PDE4D: variants seen among roughly 807,000 people sequenced by gnomAD.
PDE4D encodes the protein phosphodiesterase 4D.
Under a neutral mutation model 87.4 loss-of-function variants are expected in PDE4D, and 24 were observed. The ratio of observed to expected loss-of-function variants is 0.27; its 90% CI spans 0.20 to 0.39. The LOEUF (loss-of-function observed/expected upper bound fraction) is 0.39. Ranked by LOEUF, PDE4D falls within the 10% of genes least tolerant of loss-of-function variation. The pLI, the probability that PDE4D is intolerant of heterozygous loss-of-function variation, is 1.00. For missense variants in PDE4D, 714 were observed against 1,041.0 expected (o/e 0.69, Z 4.32); for synonymous variants, 384 against 383.2 (o/e 1.00, Z -0.02).
chr5:59,377,986 T>C (rs1030905282), intron 1 of PDE4D, among the ~76,000 whole-genome samples: 3 of 152,164 alleles, frequency 2.0e-5, no homozygotes, highest in Admixed American at 1.3e-4. Flanking sequence ...ATGTGTATGA[T>C]CATTGCAGCA....
chr5:59,546,079 A>C (rs1335020059), intron 1 of PDE4D, among the ~76,000 whole-genome samples: 1 of 152,174 alleles, frequency 6.6e-6, no homozygotes, highest in Non-Finnish European at 1.5e-5. Context: ...ATTCCCTTTC[A>C]TTCACAGCTT....
At chr5:59,569,441 C>T (rs987343340) in intron 1 of PDE4D, among the ~76,000 whole-genome samples, 10 of 152,104 alleles carry the variant, frequency 6.6e-5, no homozygotes, top group Admixed American at 1.3e-4. Flanking sequence ...GCAAAAAGTA[C>T]GACATATAAA....
intron 1 of PDE4D, among the ~76,000 whole-genome samples, chr5:59,667,492 T>C (rs1746276364): frequency 1.3e-5 from 2 of 152,282 alleles, no homozygotes; most frequent in South Asian, 2.1e-4. Context: ...TAGACATAAC[T>C]ACTTGCATGG....
intron 1 of PDE4D, among the ~76,000 whole-genome samples, chr5:59,272,808 T>C (rs1182784512): frequency 1.3e-5 from 2 of 152,124 alleles, no homozygotes; most frequent in Non-Finnish European, 2.9e-5. Context: ...ATTTAAAATG[T>C]GAATATCTCA....
chr5:59,887,048 A>T (rs987858551), intron 1 of PDE4D, among the ~76,000 whole-genome samples: 11 of 152,164 alleles, frequency 7.2e-5, no homozygotes, highest in African/African-American at 9.7e-5. Context: ...AAAAAACACA[A>T]GAGTTATTTC....
chr5:59,350,096 G>T (rs1780271383), intron 1 of PDE4D, among the ~76,000 whole-genome samples: 1 of 152,122 alleles, frequency 6.6e-6, no homozygotes, highest in Non-Finnish European at 1.5e-5. Flanking sequence ...CCCTATTGTA[G>T]CTGTTGTAGC....
Position 58,972,018 on chromosome 5 carries a change from A to G in PDE4D, c.*2646T>C, listed in dbSNP as rs188636179. 1.8e-4 allele frequency: 28 copies of G among 152,696 alleles called. No homozygotes were observed. The highest frequency in any genetic ancestry group is 6.3e-4 in the African/African-American group (26 of 41,576). 9.5% of individuals were successfully genotyped at this position (152,696 alleles called of 1,614,324 possible). On this transcript the variant is annotated 3_prime_UTR_variant, in exon 15 of 15. Coordinates refer to ENST00000340635, the MANE Select transcript of PDE4D (RefSeq NM_001104631.2). ...AAAACCAACAAACTGGAAGAAAAAA[A>G]AAGAGCCTCTCTTTATTAGTGCAGT...
In PDE4D at chr5:59,200,003, C is replaced by A. The variant is rs552630026; in HGVS notation, c.648-6467G>T. Among the ~76,000 whole-genome samples, 8 of 146,772 alleles carry A rather than the reference C, an allele frequency of 5.5e-5. No individual in the cohort carries two copies. In the Admixed American group the frequency reaches 5.5e-4, roughly 10 times the overall value. On this transcript the variant is annotated intron_variant, in intron 2 of 14. Transcript: ENST00000340635. ...ATATATACACATGCATACATGCATG[C>A]AACATACATACATGCACATATACAT...
chr5:60,366,819 G>C (rs1369277433), intron 1 of PDE4D, among the ~76,000 whole-genome samples: 1 of 152,172 alleles, frequency 6.6e-6, no homozygotes, highest in Non-Finnish European at 1.5e-5. Context: ...AAATAAACAT[G>C]CACATGAAAT....
At chr5:59,382,415 C>T (rs1429511214) in intron 1 of PDE4D, among the ~76,000 whole-genome samples, 1 of 152,030 alleles carries the variant, frequency 6.6e-6, no homozygotes, top group Non-Finnish European at 1.5e-5. Context: ...AACTTACCTG[C>T]AAAAGAAAAG....
chr5:60,243,800 T>C (rs1330475833), intron 1 of PDE4D, among the ~76,000 whole-genome samples: 1 of 151,940 alleles, frequency 6.6e-6, no homozygotes, highest in Non-Finnish European at 1.5e-5. Context: ...AGAAGGAACA[T>C]ACCTCAACAC....
At chr5:59,817,997 G>C (rs899174635) in intron 1 of PDE4D, among the ~76,000 whole-genome samples, 2 of 152,180 alleles carry the variant, frequency 1.3e-5, no homozygotes, top group Admixed American at 1.3e-4. Flanking sequence ...GAATAAAGGG[G>C]TGGAGAGAGA....
intron 1 of PDE4D, among the ~76,000 whole-genome samples, chr5:59,632,291 G>C (rs941949022): frequency 6.6e-6 from 1 of 152,108 alleles, no homozygotes; most frequent in Non-Finnish European, 1.5e-5. Context: ...AGAGCACCTG[G>C]GGGGAGGGGT....
intron 2 of PDE4D, among the ~76,000 whole-genome samples, chr5:59,214,635 GTGAA>G (rs1248699553): frequency 3.3e-5 from 5 of 152,128 alleles, no homozygotes; most frequent in African/African-American, 1.2e-4. Flanking sequence ...CTCATTATGT[GTGAA>G]TGAATAAGTA....
At chr5:59,855,101 G>A (rs1420182834) in intron 1 of PDE4D, among the ~76,000 whole-genome samples, 3 of 152,124 alleles carry the variant, frequency 2.0e-5, no homozygotes, top group Middle Eastern at 3.4e-3. Context: ...GTCTAGAAGG[G>A]GCCTGAGATT....
At chr5:59,304,056 A>G (rs1770789902) in intron 1 of PDE4D, among the ~76,000 whole-genome samples, 1 of 151,956 alleles carries the variant, frequency 6.6e-6, no homozygotes. Flanking sequence ...TGTATTGTCT[A>G]TGATTCCTTT....
At chr5:59,025,565 G>A (rs1756062378) in intron 6 of PDE4D, among the ~76,000 whole-genome samples, 1 of 152,138 alleles carries the variant, frequency 6.6e-6, no homozygotes, top group East Asian at 1.9e-4. Context: ...GTTTGGATTG[G>A]AATGATCAGG....
intron 3 of PDE4D, among the ~76,000 whole-genome samples, chr5:59,979,421 G>GGTGTGTGT (rs60199601): frequency 5.0e-4 from 74 of 147,714 alleles, no homozygotes; most frequent in African/African-American, 4.2e-4. Context: ...CACAGCAAGG[G>GGTGTGTGT]GTGTGTGTGT....
intron 1 of PDE4D, among the ~76,000 whole-genome samples, chr5:59,630,319 C>A (rs1457014078): frequency 6.6e-6 from 1 of 152,180 alleles, no homozygotes; most frequent in African/African-American, 2.4e-5. Flanking sequence ...ACGTGTCCAG[C>A]CTGACACTCA....
Sources: gnomAD v4.1 joint callset for allele counts (sites outside exome capture counted in the v4.1 genomes callset) on GRCh38, gnomAD v4.1.1 for gene constraint, MANE v1.5 for transcripts, NCBI Gene and HGNC (gene_info 2026-07-23, HGNC 2026-07-21) for gene names.